KANK1: variants seen among roughly 807,000 people sequenced by gnomAD.
KANK1 encodes KN motif and ankyrin repeat domain-containing protein 1.
Under a neutral mutation model 106.2 loss-of-function variants are expected in KANK1, and 109 were observed. The observed-to-expected ratio is 1.03, with a 90% confidence interval of 0.88 to 1.20. KANK1 has a LOEUF of 1.20. Ranked by LOEUF, KANK1 falls within the 50% of genes most tolerant of loss-of-function variation. KANK1 has a pLI of 0.00. For missense variants in KANK1, 2,399 were observed against 1,710.7 expected (o/e 1.40, Z -7.10); for synonymous variants, 873 against 652.2 (o/e 1.34, Z -5.16).
intron 1 of KANK1, among the ~76,000 whole-genome samples, chr9:636,701 A>G (rs958014483): frequency 6.6e-6 from 1 of 152,146 alleles, no homozygotes; most frequent in Non-Finnish European, 1.5e-5. Flanking sequence ...CCCCATATCT[A>G]CTAAAAATAC....
chr9:732,629 T>TC lies in KANK1; in HGVS notation c.3245+16dup. ...GAAATCAGAGAGAGGTGTGGTACATTCCCCTTCCCTCCCTTGCCCCTCCCA... is the reference window on the plus strand; with the variant it reads ...GAAATCAGAGAGAGGTGTGGTACATTCCCCCTTCCCTCCCTTGCCCCTCCCA... On this transcript the variant is annotated intron_variant, in intron 6 of 11. Coordinates refer to ENST00000382297, the MANE Select transcript of KANK1 (RefSeq NM_015158.5). 1 of 1,609,200 alleles carries TC rather than the reference T, an allele frequency of 6.2e-7. No homozygotes were observed.
intron 1 of KANK1, among the ~76,000 whole-genome samples, chr9:559,596 A>C (rs1337786804): frequency 6.6e-6 from 1 of 152,216 alleles, no homozygotes; most frequent in African/African-American, 2.4e-5. Context: ...ATGTAAGTGC[A>C]TAATAATTTC....
chr9:713,270 C>T lies in KANK1; in HGVS notation c.2504C>T (p.Ala835Val). ...HYIERIQKLL[A>V]EQQTLLAENY... Reference sequence around the variant, plus strand: ...ATTGAGCGTATCCAGAAGCTGCTGGCAGAACAGCAGACACTGCTGGCTGAG... The same window carrying T: ...ATTGAGCGTATCCAGAAGCTGCTGGTAGAACAGCAGACACTGCTGGCTGAG... Residue 835 changes from alanine (A) to valine (V), a missense_variant, in exon 3 of 12, where the codon GCA becomes GTA. By Grantham distance (64) the Ala-to-Val change is moderately conservative. Coordinates refer to ENST00000382297, the MANE Select transcript of KANK1 (RefSeq NM_015158.5). 6.2e-7 allele frequency: 1 copy of T among 1,612,334 alleles called. No individual in the cohort carries two copies. The highest frequency in any genetic ancestry group is 8.5e-7 in the Non-Finnish European group (1 of 1,179,184).
chr9:696,681 GA>G (rs1170134833), intron 2 of KANK1, among the ~76,000 whole-genome samples: 2 of 152,156 alleles, frequency 1.3e-5, no homozygotes. Context: ...TCGTGCCACA[GA>G]AAAGAGCTTT....
At chr9:547,590 C>G (rs2061010477) in intron 1 of KANK1, among the ~76,000 whole-genome samples, 1 of 151,564 alleles carries the variant, frequency 6.6e-6, no homozygotes, top group Non-Finnish European at 1.5e-5. Context: ...GTTGTGGGCA[C>G]ATTCCCTTCT....
At chr9:576,369 T>C (rs1820566433) in intron 1 of KANK1, among the ~76,000 whole-genome samples, 1 of 152,216 alleles carries the variant, frequency 6.6e-6, no homozygotes, top group Non-Finnish European at 1.5e-5. Context: ...ACAACCTTAC[T>C]GGCCTCCCTT....
rs567891710 is a variant in KANK1, at chr9:563,277, T to C, written c.-84+58523T>C. Among the ~76,000 whole-genome samples, 71 of 152,296 alleles carry C rather than the reference T, an allele frequency of 4.7e-4. No individual in the cohort carries two copies. The South Asian group carries it at 0.013, about 29-fold the overall frequency. On this transcript the variant is annotated intron_variant, in intron 1 of 11. Transcript: ENST00000382297. ...AGAGTCTCTGTTGCCAGGAAGCTAATGTTGCTATCCCTAATACGGCAACTT... is the reference window on the plus strand; with the variant it reads ...AGAGTCTCTGTTGCCAGGAAGCTAACGTTGCTATCCCTAATACGGCAACTT...
At chr9:620,941 G>A (rs1044752395) in intron 1 of KANK1, among the ~76,000 whole-genome samples, 3 of 152,068 alleles carry the variant, frequency 2.0e-5, no homozygotes, top group Non-Finnish European at 4.4e-5. Context: ...TTCCAGATTG[G>A]AAATTAGTCA....
intron 1 of KANK1, 92 bp downstream of exon 1, chr9:504,846 G>T (rs956112056): frequency 1.8e-4 from 24 of 133,900 alleles, no homozygotes; most frequent in African/African-American, 6.1e-4. Flanking sequence ...GGCTGGCCCC[G>T]CGCGGAGCCG....
Position 710,636 on chromosome 9 carries a change from AAAAC to A in KANK1, c.38-164_38-161del, listed in dbSNP as rs1564031096. Reference sequence around the variant, plus strand: ...GTCTCAAAAAAAAAAAAAACAAAAAAAAACAAAAAAAACTTGCTTACCCAGCTGT... The same window carrying A: ...GTCTCAAAAAAAAAAAAAACAAAAAAAAAAAAAACTTGCTTACCCAGCTGT... On this transcript the variant is annotated intron_variant, in intron 2 of 11. Coordinates refer to ENST00000382297, the MANE Select transcript of KANK1 (RefSeq NM_015158.5). Among the ~76,000 whole-genome samples, 793 of 115,424 alleles carry A rather than the reference AAAAC, an allele frequency of 6.9e-3. 91 individuals carry two copies. Among genetic ancestry groups the A allele is most frequent in the African/African-American group, 0.045 (717 of 15,824 alleles). 75.7% of individuals were successfully genotyped at this position (115,424 alleles called of 152,430 possible).
intron 3 of KANK1, among the ~76,000 whole-genome samples, chr9:716,644 G>A (rs1036016377): frequency 6.6e-6 from 1 of 152,138 alleles, no homozygotes; most frequent in Non-Finnish European, 1.5e-5. Flanking sequence ...TTCTCCTAGA[G>A]TTGAAGATTT....
At chr9:675,280 ATAT>A (rs954900468) in intron 1 of KANK1, among the ~76,000 whole-genome samples, 6 of 152,122 alleles carry the variant, frequency 3.9e-5, no homozygotes, top group African/African-American at 1.4e-4. Flanking sequence ...GTGTATACAG[ATAT>A]TATTTTGGCA....
In KANK1 at chr9:712,475, T is replaced by C. The variant is rs749006058; in HGVS notation, c.1709T>C (p.Ile570Thr). 1.2e-6 allele frequency: 2 copies of C among 1,613,876 alleles called. No homozygotes were observed. Among genetic ancestry groups the C allele is most frequent in the South Asian group, 1.1e-5 (1 of 91,078 alleles). ...VGPELPMNWW[I>T]VKERVEMHDR... ...CCTGAGCTGCCTATGAATTGGTGGA[T>C]TGTTAAGGAGAGGGTGGAAATGCAT... The change falls in exon 3 of 12, where the codon ATT (isoleucine) becomes ACT (threonine). Residue 570 changes from isoleucine to threonine, a missense_variant. Transcript: ENST00000382297.
chr9:692,886 G>A (rs549240499), intron 2 of KANK1, among the ~76,000 whole-genome samples: 5 of 152,198 alleles, frequency 3.3e-5, no homozygotes, highest in African/African-American at 9.6e-5. Flanking sequence ...GCATGGTGTC[G>A]TGCTACTCTG....
chr9:514,292 C>G (rs1342521287), intron 1 of KANK1, among the ~76,000 whole-genome samples: 1 of 125,844 alleles, frequency 7.9e-6, no homozygotes, highest in Non-Finnish European at 1.6e-5. Context: ...TCCTATTCAT[C>G]TCAATAGAGC....
At chr9:713,852 A>C (rs1826925385) in intron 3 of KANK1, among the ~76,000 whole-genome samples, 1 of 152,220 alleles carries the variant, frequency 6.6e-6, no homozygotes, top group Non-Finnish European at 1.5e-5. Context: ...TTACCAGTAT[A>C]TTAGCAATTG....
At chr9:631,005 GTT>G (rs1835596603) in intron 1 of KANK1, among the ~76,000 whole-genome samples, 1 of 152,120 alleles carries the variant, frequency 6.6e-6, no homozygotes, top group Admixed American at 6.6e-5. Context: ...GTTGTTGATT[GTT>G]TAAGGAAAAG....
chr9:508,121 C>CTTTTTTTTTTTTTTTTTTTTTTTTT (rs71314711), intron 1 of KANK1, among the ~76,000 whole-genome samples: 1 of 39,156 alleles, frequency 2.6e-5, no homozygotes, highest in Non-Finnish European at 5.5e-5. Context: ...CCTGCTCAGC[C>CTTTTTTTTTTTTTTTTTTTTTTTTT]TTTTTTTTTT....
intron 2 of KANK1, among the ~76,000 whole-genome samples, chr9:698,329 G>A (rs1163822725): frequency 6.6e-6 from 1 of 152,096 alleles, no homozygotes; most frequent in Non-Finnish European, 1.5e-5. Flanking sequence ...TCAGAACCTG[G>A]ATTCCCTAAA....
Sources: allele counts gnomAD v4.1 joint callset (sites outside exome capture counted in the v4.1 genomes callset), GRCh38; gene constraint gnomAD v4.1.1; transcripts MANE v1.5; gene names NCBI Gene and HGNC (gene_info 2026-07-23, HGNC 2026-07-21).